Variants in XNDC1N observed in about 807,000 individuals in gnomAD.
XNDC1N encodes the protein protein XNDC1N.
chr11:71,904,994 A>T, the XNDC1N span, among the ~76,000 whole-genome samples: 3 of 151,966 alleles, frequency 2.0e-5, no homozygotes, highest in South Asian at 4.1e-4. Flanking sequence ...ATAACGAATA[A>T]TATCAGGGGG....
the XNDC1N span, among the ~76,000 whole-genome samples, chr11:71,868,264 G>A: frequency 6.6e-6 from 1 of 152,142 alleles, no homozygotes; most frequent in Admixed American, 6.5e-5. Flanking sequence ...TTTAAGTAGG[G>A]CATTTAGTCC....
the XNDC1N span, among the ~76,000 whole-genome samples, chr11:71,869,285 A>T: frequency 1.3e-5 from 2 of 151,622 alleles, no homozygotes; most frequent in Non-Finnish European, 2.9e-5. Context: ...CCCACCTATG[A>T]GTGAGAACAT....
chr11:71,928,235 T>A, the XNDC1N span: 2 of 546,090 alleles, frequency 3.7e-6, no homozygotes, highest in Admixed American at 6.6e-5. Context: ...GCTCTCAGTT[T>A]CGGGAGCTCA....
At chr11:71,884,460 C>A in the XNDC1N span, 2 of 1,609,088 alleles carry the variant, frequency 1.2e-6, no homozygotes, top group Admixed American at 1.7e-5. Flanking sequence ...TCATTGCAGA[C>A]TGAAGTGCAA....
At chr11:71,886,311 C>A in the XNDC1N span, among the ~76,000 whole-genome samples, 1 of 151,120 alleles carries the variant, frequency 6.6e-6, no homozygotes, top group Non-Finnish European at 1.5e-5. Flanking sequence ...TCTTTAACAG[C>A]GAAGAAAGGC....
the XNDC1N span, among the ~76,000 whole-genome samples, chr11:71,924,685 G>C: frequency 1.3e-4 from 19 of 149,774 alleles, no homozygotes; most frequent in African/African-American, 4.4e-4. Context: ...CTCCGTCTCA[G>C]AAAAAAAACA....
the XNDC1N span, among the ~76,000 whole-genome samples, chr11:71,867,954 T>C: frequency 2.6e-5 from 4 of 152,262 alleles, no homozygotes; most frequent in African/African-American, 7.2e-5. Context: ...ACCTGTTTTA[T>C]GAATTTGCGC....
the XNDC1N span, among the ~76,000 whole-genome samples, chr11:71,874,849 C>T: frequency 6.6e-6 from 1 of 152,104 alleles, no homozygotes; most frequent in Non-Finnish European, 1.5e-5. Context: ...CTATCTTTTT[C>T]TCTTATTTTG....
chr11:71,917,649 G>C, the XNDC1N span: 1 of 703,362 alleles, frequency 1.4e-6, no homozygotes, highest in Non-Finnish European at 2.6e-6. Flanking sequence ...CCCCGGAGCG[G>C]TTCTTCCCCT....
At chr11:71,905,349 G>A in the XNDC1N span, among the ~76,000 whole-genome samples, 4 of 151,540 alleles carry the variant, frequency 2.6e-5, no homozygotes, top group African/African-American at 9.7e-5. Context: ...GTGATATTAG[G>A]AGTAACCCCT....
the XNDC1N span, among the ~76,000 whole-genome samples, chr11:71,874,072 T>G: frequency 6.6e-6 from 1 of 152,138 alleles, no homozygotes; most frequent in African/African-American, 2.4e-5. Context: ...CCCAGCACTT[T>G]GGGAGGCCAA....
the XNDC1N span, among the ~76,000 whole-genome samples, chr11:71,891,947 G>A: frequency 2.0e-5 from 3 of 151,640 alleles, no homozygotes; most frequent in East Asian, 2.0e-4. Context: ...CTCCACCTCC[G>A]GATATTAAGA....
chr11:71,882,347 C>T, the XNDC1N span, among the ~76,000 whole-genome samples: 5 of 152,096 alleles, frequency 3.3e-5, no homozygotes, highest in Non-Finnish European at 5.9e-5. Flanking sequence ...GCCTCCGCTT[C>T]CTGGGTCCAA....
the XNDC1N span, among the ~76,000 whole-genome samples, chr11:71,875,340 C>G: frequency 1.3e-5 from 2 of 151,850 alleles, no homozygotes; most frequent in Non-Finnish European, 2.9e-5. Context: ...TTTAAGTGAT[C>G]AAGTAATGTG....
At chr11:71,894,627 T>C in the XNDC1N span, among the ~76,000 whole-genome samples, 1 of 152,254 alleles carries the variant, frequency 6.6e-6, no homozygotes, top group Non-Finnish European at 1.5e-5. Flanking sequence ...GAATCCTCTA[T>C]ACCTAGGCGG....
the XNDC1N span, among the ~76,000 whole-genome samples, chr11:71,892,688 T>C: frequency 1.3e-5 from 2 of 152,124 alleles, no homozygotes; most frequent in African/African-American, 2.4e-5. Flanking sequence ...GCTAATTTTT[T>C]TTTTTAATTT....
the XNDC1N span, among the ~76,000 whole-genome samples, chr11:71,886,330 C>A: frequency 6.7e-6 from 1 of 149,838 alleles, no homozygotes; most frequent in Non-Finnish European, 1.5e-5. Flanking sequence ...GCGGAGAGTC[C>A]TCAAGCAGCA....
chr11:71,887,668 T>TG, the XNDC1N span, among the ~76,000 whole-genome samples: 1 of 152,210 alleles, frequency 6.6e-6, no homozygotes, highest in African/African-American at 2.4e-5. Context: ...TAAGAACTTT[T>TG]GGAATTATTG....
the XNDC1N span, among the ~76,000 whole-genome samples, chr11:71,901,271 A>T: frequency 6.6e-6 from 1 of 152,114 alleles, no homozygotes; most frequent in Non-Finnish European, 1.5e-5. Flanking sequence ...TGCTCCTCCG[A>T]TGTGCCTGTG....
Sources: allele counts gnomAD v4.1 joint callset (sites outside exome capture counted in the v4.1 genomes callset), GRCh38; gene constraint gnomAD v4.1.1; transcripts MANE v1.5; gene names NCBI Gene and HGNC (gene_info 2026-07-23, HGNC 2026-07-21).